Variants in ESRRG observed in about 807,000 individuals in gnomAD.
ESRRG encodes estrogen-related receptor gamma.
In ESRRG, 13 loss-of-function variants were observed where a neutral mutation model predicts 44.0. That is an observed-to-expected ratio of 0.30 (90% CI 0.19 to 0.47). The LOEUF is 0.47. Ranked by LOEUF, ESRRG falls within the 20% of genes least tolerant of loss-of-function variation. ESRRG has a pLI of 1.00. For missense variants in ESRRG, 395 were observed against 580.6 expected, an observed-to-expected ratio of 0.68 and a Z score of 3.29; for synonymous variants, 215 against 214.6, an observed-to-expected ratio of 1.00 and a Z score of -0.02.
At chr1:216,537,981 T>C (rs1009023059) in intron 5 of ESRRG, among the ~76,000 whole-genome samples, 1 of 152,102 alleles carries the variant, frequency 6.6e-6, no homozygotes, top group Admixed American at 6.6e-5. Flanking sequence ...TTTCTTCACC[T>C]TTGTGTGAAA....
In ESRRG at chr1:216,867,373, G is replaced by A. The variant is rs142005184; in HGVS notation, c.-14+72209C>T. ...CAATAACCAGAAAGTCAACCCAAAT[G>A]TCATTATCTTAAGTTTATAATAATT... On this transcript the variant is annotated intron_variant, in intron 2 of 7. Transcript: ENST00000359162. 4.5e-3 allele frequency among the ~76,000 whole-genome samples: 685 copies of A among 152,192 alleles called. 9 individuals are homozygous for A. Among genetic ancestry groups the A allele is most frequent in the African/African-American group, 0.016 (658 of 41,506 alleles).
intron 2 of ESRRG, among the ~76,000 whole-genome samples, chr1:216,827,164 T>C (rs2095411885): frequency 6.6e-6 from 1 of 152,186 alleles, no homozygotes; most frequent in Non-Finnish European, 1.5e-5. Context: ...CTTCTCCAGG[T>C]TTTTTATTCT....
At chr1:216,803,819 A>G (rs1198960606) in intron 2 of ESRRG, among the ~76,000 whole-genome samples, 1 of 152,060 alleles carries the variant, frequency 6.6e-6, no homozygotes, top group Non-Finnish European at 1.5e-5. Flanking sequence ...AGTAAAAATT[A>G]CCCACTGTTA....
chr1:216,654,629 C>CA (rs35748361), intron 2 of ESRRG, among the ~76,000 whole-genome samples: 6,651 of 93,994 alleles, frequency 0.071, 154 homozygotes, highest in East Asian at 0.15. Context: ...AACTCTGTTT[C>CA]AAAAAAAAAA....
intron 5 of ESRRG, among the ~76,000 whole-genome samples, chr1:216,525,504 T>C (rs1187758688): frequency 7.8e-6 from 1 of 128,210 alleles, no homozygotes; most frequent in African/African-American, 4.2e-5. Flanking sequence ...GAGGCAAGTA[T>C]GGGCTGAGCT....
chr1:216,982,842 C>T (rs925170140), intron 1 of ESRRG, among the ~76,000 whole-genome samples: 3 of 152,184 alleles, frequency 2.0e-5, no homozygotes, highest in African/African-American at 7.2e-5. Flanking sequence ...GGTGACATCA[C>T]AGACACTGTT....
chr1:216,599,743 C>A (rs1351357297), intron 3 of ESRRG, among the ~76,000 whole-genome samples: 2 of 151,346 alleles, frequency 1.3e-5, no homozygotes, highest in Admixed American at 6.6e-5. Context: ...AAAAGATGAC[C>A]ATGAAGAGTG....
intron 6 of ESRRG, among the ~76,000 whole-genome samples, chr1:216,517,585 A>T (rs1166959055): frequency 6.6e-6 from 1 of 152,200 alleles, no homozygotes; most frequent in Non-Finnish European, 1.5e-5. Context: ...AATGTTTTAA[A>T]TTAGAATCGT....
At chr1:216,632,536 C>G (rs1359164990) in intron 3 of ESRRG, among the ~76,000 whole-genome samples, 1 of 152,030 alleles carries the variant, frequency 6.6e-6, no homozygotes, top group Non-Finnish European at 1.5e-5. Flanking sequence ...GTTTTCTTAA[C>G]TAAAAATTAA....
intron 2 of ESRRG, among the ~76,000 whole-genome samples, chr1:216,834,984 A>C (rs1368736910): frequency 6.6e-6 from 1 of 152,218 alleles, no homozygotes; most frequent in Non-Finnish European, 1.5e-5. Context: ...CGGTTAAAAA[A>C]TGTTCTATGA....
At chr1:216,624,171 G>A (rs2062771625) in intron 3 of ESRRG, among the ~76,000 whole-genome samples, 1 of 152,186 alleles carries the variant, frequency 6.6e-6, no homozygotes, top group African/African-American at 2.4e-5. Context: ...GCAGGAGAGT[G>A]TTAGAGCTCT....
intron 1 of ESRRG, among the ~76,000 whole-genome samples, chr1:216,696,970 CTT>C (rs397958205): frequency 1.4e-5 from 2 of 144,760 alleles, no homozygotes. Flanking sequence ...AATAAAATAT[CTT>C]TTTTTTTTTT....
chr1:217,103,907 C>A (rs891631149), intron 1 of ESRRG, among the ~76,000 whole-genome samples: 4 of 152,064 alleles, frequency 2.6e-5, no homozygotes, highest in Admixed American at 6.5e-5. Flanking sequence ...GGTGAGACAG[C>A]GTGGGGCACT....
intron 1 of ESRRG, among the ~76,000 whole-genome samples, chr1:216,708,071 A>G (rs140930478): frequency 3.3e-5 from 5 of 152,300 alleles, no homozygotes; most frequent in African/African-American, 1.2e-4. Flanking sequence ...GAATGGAAAC[A>G]ATTTTTAGAA....
intron 5 of ESRRG, among the ~76,000 whole-genome samples, chr1:216,545,133 T>C (rs1353859318): frequency 6.6e-6 from 1 of 150,392 alleles, no homozygotes; most frequent in East Asian, 1.9e-4. Flanking sequence ...TTACTCATCC[T>C]CCAGGGTTCA....
At chr1:216,573,926 C>G (rs763800357) in intron 3 of ESRRG, among the ~76,000 whole-genome samples, 1 of 151,966 alleles carries the variant, frequency 6.6e-6, no homozygotes, top group Non-Finnish European at 1.5e-5. Context: ...CCTGGGAAAT[C>G]CAGATTTGTC....
intron 5 of ESRRG, among the ~76,000 whole-genome samples, chr1:216,556,749 T>A (rs1021400683): frequency 6.6e-6 from 1 of 152,112 alleles, no homozygotes; most frequent in South Asian, 2.1e-4. Flanking sequence ...CCCTCATAAT[T>A]CAGTTATAGT....
chr1:217,054,100 C>T (rs993072751), intron 1 of ESRRG, among the ~76,000 whole-genome samples: 1 of 151,582 alleles, frequency 6.6e-6, no homozygotes, highest in African/African-American at 2.4e-5. Context: ...TGAAAAAAGC[C>T]CATTGTACAT....
At chr1:216,737,422 T>A (rs2090096991) in intron 2 of ESRRG, among the ~76,000 whole-genome samples, 1 of 152,032 alleles carries the variant, frequency 6.6e-6, no homozygotes, top group East Asian at 1.9e-4. Flanking sequence ...TTAAATGAAA[T>A]GGTCTATATA....
Sources: gnomAD v4.1 joint callset for allele counts (sites outside exome capture counted in the v4.1 genomes callset) on GRCh38, gnomAD v4.1.1 for gene constraint, MANE v1.5 for transcripts, NCBI Gene and HGNC (gene_info 2026-07-23, HGNC 2026-07-21) for gene names.